Variants in PDIA3 observed in about 807,000 individuals in gnomAD.
The protein encoded by PDIA3 is protein disulfide-isomerase A3.
In PDIA3, 16 loss-of-function variants were observed where a neutral mutation model predicts 56.9. That is an observed-to-expected ratio of 0.28 (90% CI 0.19 to 0.43). The LOEUF (loss-of-function observed/expected upper bound fraction) is 0.43, where lower values mean the gene tolerates loss of function less well. Ranked by LOEUF, PDIA3 falls within the 20% of genes least tolerant of loss-of-function variation. The pLI, the probability that PDIA3 is intolerant of heterozygous loss-of-function variation, is 1.00. For synonymous variants in PDIA3, 192 were observed against 216.5 expected (o/e 0.89, Z 0.99); for missense variants, 485 against 621.3 (o/e 0.78, Z 2.33).
intron 2 of PDIA3, 82 bp from the exon 3 acceptor site, chr15:43,756,567 C>T: frequency 1.2e-6 from 1 of 812,958 alleles, no homozygotes; most frequent in Non-Finnish European, 2.1e-6. Context: ...AGGATTTGAC[C>T]AATCCTAGTA....
At chr15:43,751,132 GA>G (rs59162344) in intron 1 of PDIA3, among the ~76,000 whole-genome samples, 4,589 of 55,742 alleles carry the variant, frequency 0.082, 230 homozygotes, top group East Asian at 0.25. Context: ...ACTCCGTCTC[GA>G]AAAAAAAAAA....
At position 43,773,041 on chromosome 15, in the gene PDIA3, C is replaced by T; in HGVS notation, c.*1823C>T. On this transcript the variant is annotated 3_prime_UTR_variant, in exon 13 of 13. Coordinates refer to ENST00000300289, the MANE Select transcript of PDIA3 (RefSeq NM_005313.5). ...TCAGCATAAGAAAAGCAGATAGTTG[C>T]ATTCTATTTAGTTTATAGCTGCTTT... The T allele has an allele frequency of 7.5e-7, 1 of 1,335,304 alleles. No homozygotes were observed. The highest frequency in any genetic ancestry group is 1.0e-6 in the Non-Finnish European group (1 of 968,052). The allele number at this position is 1,335,304 out of a possible 1,614,324, so 82.7% of individuals were successfully genotyped here. A position where few individuals can be genotyped will look rare whatever the true frequency, so the allele number is the denominator to read the frequency against.
chr15:43,770,649 C>A, intron 12 of PDIA3, 69 bp downstream of exon 12: 1 of 1,004,780 alleles, frequency 1.0e-6, no homozygotes, highest in Non-Finnish European at 1.6e-6. Context: ...AAACATAGTT[C>A]TTTAATTGGG....
chr15:43,769,975 C>T (rs1488769345), intron 10 of PDIA3, among the ~76,000 whole-genome samples: 1 of 152,140 alleles, frequency 6.6e-6, no homozygotes, highest in Non-Finnish European at 1.5e-5. Flanking sequence ...ATGTCTTATT[C>T]AGACCAGGTA....
chr15:43,760,530 C>A (rs12439438), intron 3 of PDIA3, among the ~76,000 whole-genome samples: 127 of 116,776 alleles, frequency 1.1e-3, no homozygotes, highest in East Asian at 5.1e-3. Context: ...AAAAAAAAAA[C>A]TTTTTTTTTT....
At chr15:43,752,822 A>C (rs1424057910) in intron 1 of PDIA3, 3 of 471,178 alleles carry the variant, frequency 6.4e-6, no homozygotes, top group African/African-American at 4.0e-5. Flanking sequence ...TCACCTTCTC[A>C]ACGTGATCCC....
In PDIA3 at chr15:43,757,255, T is replaced by G. The variant is rs578094720; in HGVS notation, c.364+489T>G. Among the ~76,000 whole-genome samples, 13 of 151,872 alleles carry G rather than the reference T, an allele frequency of 8.6e-5. 1 individual carries two copies. In the South Asian group the frequency reaches 2.5e-3, roughly 29 times the overall value. On this transcript the variant is annotated intron_variant, in intron 3 of 12. Transcript: ENST00000300289. Reference sequence around the variant, plus strand: ...TGGGCAATATAAGTTTGTCCCCATCTCCAATAAAAAGTTTGGGCCGGGGCC... The same window carrying G: ...TGGGCAATATAAGTTTGTCCCCATCGCCAATAAAAAGTTTGGGCCGGGGCC...
At chr15:43,747,552 G>GT (rs1425673245) in intron 1 of PDIA3, among the ~76,000 whole-genome samples, 1 of 151,628 alleles carries the variant, frequency 6.6e-6, no homozygotes, top group Admixed American at 6.6e-5. Flanking sequence ...GTCAACTTGA[G>GT]TGTTTGTTTT....
chr15:43,747,415 C>T (rs1054693792), intron 1 of PDIA3, among the ~76,000 whole-genome samples: 1 of 152,126 alleles, frequency 6.6e-6, no homozygotes, highest in African/African-American at 2.4e-5. Context: ...GAGAAAATAA[C>T]CAATATTGAT....
chr15:43,753,175 T>G (rs2086755822), intron 1 of PDIA3, among the ~76,000 whole-genome samples: 1 of 151,492 alleles, frequency 6.6e-6, no homozygotes, highest in African/African-American at 2.4e-5. Flanking sequence ...CCTCCCAGGT[T>G]CAAGCAATTC....
At chr15:43,768,738 T>C in intron 9 of PDIA3, 141 bp downstream of exon 9, 1 of 623,214 alleles carries the variant, frequency 1.6e-6, no homozygotes, top group Admixed American at 2.7e-5. Flanking sequence ...AAAATAAGCA[T>C]TGGCAGGCCA....
At chr15:43,761,013 G>A (rs1176054685) in intron 3 of PDIA3, among the ~76,000 whole-genome samples, 2 of 151,080 alleles carry the variant, frequency 1.3e-5, no homozygotes, top group Non-Finnish European at 3.0e-5. Context: ...GCCAAGGTAG[G>A]TGGATCAAAG....
intron 4 of PDIA3, among the ~76,000 whole-genome samples, chr15:43,762,693 A>T (rs1383284568): frequency 6.6e-6 from 1 of 152,176 alleles, no homozygotes; most frequent in Non-Finnish European, 1.5e-5. Context: ...TCTGAAGACA[A>T]ATATAGAGAA....
chr15:43,761,416 C>T lies in PDIA3; in HGVS notation c.365-8C>T, dbSNP rs1265849861. 4.7e-6 allele frequency: 7 copies of T among 1,483,728 alleles called. No individual in the cohort carries two copies. Among genetic ancestry groups the T allele is most frequent in the Non-Finnish European group, 6.5e-6 (7 of 1,070,586 alleles). 91.9% of individuals were successfully genotyped at this position (1,483,728 alleles called of 1,614,324 possible). ...TGTGTTGTCATAACTTTTATTTTGACTTCTAAGATGGAATTGTCAGCCACT... is the reference window on the plus strand; with the variant it reads ...TGTGTTGTCATAACTTTTATTTTGATTTCTAAGATGGAATTGTCAGCCACT... On this transcript the variant is annotated splice_region_variant and splice_polypyrimidine_tract_variant and intron_variant, in intron 3 of 12. Coordinates refer to ENST00000300289, the MANE Select transcript of PDIA3 (RefSeq NM_005313.5).
At chr15:43,749,081 TTTTTGTTTTG>T (rs560283150) in intron 1 of PDIA3, among the ~76,000 whole-genome samples, 37 of 151,590 alleles carry the variant, frequency 2.4e-4, no homozygotes, top group African/African-American at 4.1e-4. Context: ...TGTTTTTTTG[TTTTTGTTTTG>T]TTTTGTTTTG....
chr15:43,771,255 C>A lies in PDIA3; in HGVS notation c.*37C>A. ...AACACCACTTTGTAAAAGGACTCTTCCATCAGAGATGGGAAAACCATTGGG... is the reference window on the plus strand; with the variant it reads ...AACACCACTTTGTAAAAGGACTCTTACATCAGAGATGGGAAAACCATTGGG... On this transcript the variant is annotated 3_prime_UTR_variant, in exon 13 of 13. Transcript: ENST00000300289. 1 of 1,343,080 alleles carries A rather than the reference C, an allele frequency of 7.4e-7. No individual in the cohort carries two copies. 83.2% of individuals were successfully genotyped at this position (1,343,080 alleles called of 1,614,324 possible).
chr15:43,766,062 G>A, intron 7 of PDIA3, 50 bp downstream of exon 7: 1 of 1,539,162 alleles, frequency 6.5e-7, no homozygotes, highest in Non-Finnish European at 8.9e-7. Flanking sequence ...CCAATGTATA[G>A]ACAGTCCCTT....
intron 3 of PDIA3, 92 bp downstream of exon 3, chr15:43,756,858 C>G: frequency 2.9e-6 from 2 of 696,902 alleles, no homozygotes; most frequent in South Asian, 4.1e-5. Flanking sequence ...ACACAGTATA[C>G]TTTCAGTCTT....
intron 12 of PDIA3, 31 bp downstream of exon 12, chr15:43,770,611 A>G: frequency 7.4e-7 from 1 of 1,350,044 alleles, no homozygotes; most frequent in East Asian, 2.3e-5. Flanking sequence ...CCCCACAAAT[A>G]TATACACAGA....
Sources: gnomAD v4.1 joint callset for allele counts (sites outside exome capture counted in the v4.1 genomes callset) on GRCh38, gnomAD v4.1.1 for gene constraint, MANE v1.5 for transcripts, NCBI Gene and HGNC (gene_info 2026-07-23, HGNC 2026-07-21) for gene names.